The following KLHL1 variants were observed in gnomAD, a reference collection of about 807,000 sequenced individuals.
KLHL1 encodes the protein kelch-like protein 1.
A neutral mutation model predicts 77.7 loss-of-function variants in KLHL1; 47 were observed. The ratio of observed to expected loss-of-function variants is 0.60; its 90% CI spans 0.48 to 0.77. The LOEUF is 0.77. KLHL1 is among the 30% of genes least tolerant of loss of function. The pLI, the probability that KLHL1 is intolerant of heterozygous loss-of-function variation, is 0.00. For synonymous variants in KLHL1, 360 were observed against 325.2 expected (o/e 1.11, Z -1.15); for missense variants, 925 against 910.8 (o/e 1.02, Z -0.20).
intron 1 of KLHL1, among the ~76,000 whole-genome samples, chr13:69,997,887 C>G (rs1885197883): frequency 6.6e-6 from 1 of 150,816 alleles, no homozygotes. Flanking sequence ...CATATCTTGA[C>G]TGCTGAAAAT....
At chr13:69,758,136 C>T (rs1184268155) in intron 7 of KLHL1, among the ~76,000 whole-genome samples, 1 of 151,958 alleles carries the variant, frequency 6.6e-6, no homozygotes, top group Non-Finnish European at 1.5e-5. Context: ...CAATCCATCT[C>T]TTCTCTCTCC....
chr13:70,084,924 A>G (rs1045924036), intron 1 of KLHL1, among the ~76,000 whole-genome samples: 7 of 152,124 alleles, frequency 4.6e-5, no homozygotes, highest in Non-Finnish European at 7.4e-5. Context: ...TTTTGAAGCA[A>G]ATTCTTCAGG....
chr13:69,898,932 T>A (rs1435707268), intron 4 of KLHL1, among the ~76,000 whole-genome samples: 1 of 152,186 alleles, frequency 6.6e-6, no homozygotes, highest in Non-Finnish European at 1.5e-5. Context: ...TAGAGACATC[T>A]GACATGTCTG....
In KLHL1 at chr13:70,108,069, C is replaced by T. The variant is rs1319405471; in HGVS notation, c.-370G>A. ...TGCGCGAGGGAGGGAGGTCTGAGCG[C>T]TCCGAAGCTCCGGAGGCGGCTGCAG... is the stretch of plus-strand genomic sequence containing the variant. On this transcript the variant is annotated 5_prime_UTR_variant, in exon 1 of 11. Coordinates refer to ENST00000377844, the MANE Select transcript of KLHL1 (RefSeq NM_020866.3). 4 of 417,936 alleles carry T rather than the reference C, an allele frequency of 9.6e-6. No homozygotes were observed. The highest frequency in any genetic ancestry group is 1.7e-5 in the Non-Finnish European group (4 of 237,012). 25.9% of individuals were successfully genotyped at this position (417,936 alleles called of 1,614,324 possible). A position where few individuals can be genotyped will look rare whatever the true frequency, so the allele number is the denominator to read the frequency against.
In KLHL1 at chr13:69,773,566, T is replaced by C. The variant is rs565167616; in HGVS notation, c.1639+23172A>G. 1.6e-4 allele frequency among the ~76,000 whole-genome samples: 24 copies of C among 152,116 alleles called. No homozygotes were observed. The South Asian group carries it at 5.0e-3, about 32-fold the overall frequency. ...TTGCTAATCTAAATATATAATCTTT[T>C]ATTTATGATAATTAAATTTGAAGAG... On this transcript the variant is annotated intron_variant, in intron 7 of 10. Coordinates refer to ENST00000377844, the MANE Select transcript of KLHL1 (RefSeq NM_020866.3).
intron 8 of KLHL1, among the ~76,000 whole-genome samples, chr13:69,728,271 G>C (rs1873390301): frequency 6.6e-6 from 1 of 152,064 alleles, no homozygotes. Flanking sequence ...GCAAGTGATG[G>C]ACCTTGAGGC....
At chr13:69,712,258 TC>T (rs1203146283) in intron 9 of KLHL1, among the ~76,000 whole-genome samples, 1 of 61,360 alleles carries the variant, frequency 1.6e-5, no homozygotes. Context: ...CTTTCACACC[TC>T]ATTTTTTTTT....
In KLHL1 at chr13:69,707,543, C is replaced by T. The variant is rs1334651847; in HGVS notation, c.2187+82G>A. ...GGTTTAGGGTAATTAGACTAGATTA[C>T]TGTTTGTATACCCCTCCTCCACAGA... On this transcript the variant is annotated intron_variant, in intron 10 of 10. Transcript: ENST00000377844. The T allele has an allele frequency of 3.8e-6, 5 of 1,314,992 alleles. No individual in the cohort carries two copies. The South Asian group carries it at 8.2e-5, about 22-fold the overall frequency. 81.5% of individuals were successfully genotyped at this position (1,314,992 alleles called of 1,614,324 possible).
chr13:69,735,512 A>G (rs972335205), intron 8 of KLHL1, among the ~76,000 whole-genome samples: 8 of 149,738 alleles, frequency 5.3e-5, no homozygotes, highest in Non-Finnish European at 8.9e-5. Context: ...ATGGTTATAT[A>G]TAAATTATCT....
rs987598946 is a variant in KLHL1, at chr13:69,740,440, T to A, written c.1756A>T (p.Met586Leu). The change falls in exon 8 of 11, where the codon ATG becomes TTG. Residue 586 changes from methionine (M) to leucine (L), a missense_variant. Coordinates refer to ENST00000377844, the MANE Select transcript of KLHL1 (RefSeq NM_020866.3). ...CCAACTGTGCTCCGAGCAATTGACATACTGGCTACAAATGTCCATTGTTGA... is the reference window on the plus strand; with the variant it reads ...CCAACTGTGCTCCGAGCAATTGACAAACTGGCTACAAATGTCCATTGTTGA... ...QSQQWTFVAS[M>L]SIARSTVGVA... The A allele has an allele frequency of 2.5e-6, 4 of 1,611,396 alleles. No homozygotes were observed. In the African/African-American group the frequency reaches 5.3e-5, roughly 22 times the overall value.
Position 69,889,024 on chromosome 13 carries a change from G to A in KLHL1, c.1015-6529C>T, listed in dbSNP as rs146842461. Among the ~76,000 whole-genome samples, 1,005 of 151,340 alleles carry A rather than the reference G, an allele frequency of 6.6e-3. 12 individuals are homozygous for A. The highest frequency in any genetic ancestry group is 0.024 in the African/African-American group (969 of 41,186). On this transcript the variant is annotated intron_variant, in intron 4 of 10. Transcript: ENST00000377844. ...AGGTGAGCACCTTAAGAGTAAGGCT[G>A]CATATATGTTGCATAGGTCATATAT...
chr13:70,054,380 G>GT (rs1396051329), intron 1 of KLHL1, among the ~76,000 whole-genome samples: 1 of 151,896 alleles, frequency 6.6e-6, no homozygotes, highest in Non-Finnish European at 1.5e-5. Flanking sequence ...GTTTCTAGAG[G>GT]TTTTTTATGT....
At chr13:70,074,070 G>A (rs955671463) in intron 1 of KLHL1, among the ~76,000 whole-genome samples, 2 of 151,956 alleles carry the variant, frequency 1.3e-5, no homozygotes, top group Admixed American at 6.6e-5. Context: ...CAGGTGATCC[G>A]CCCACCTCGG....
chr13:69,707,934 G>T, intron 9 of KLHL1, 138 bp from the exon 10 acceptor site: 3 of 606,026 alleles, frequency 5.0e-6, no homozygotes, highest in Non-Finnish European at 8.3e-6. Context: ...CATTTGAGCA[G>T]GTATTCTAGA....
At chr13:70,093,497 A>G (rs965075719) in intron 1 of KLHL1, among the ~76,000 whole-genome samples, 14 of 152,190 alleles carry the variant, frequency 9.2e-5, no homozygotes, top group African/African-American at 2.2e-4. Flanking sequence ...GTAATTCCTA[A>G]GCACTTTAAA....
intron 6 of KLHL1, among the ~76,000 whole-genome samples, chr13:69,815,705 T>TA (rs1446731642): frequency 4.6e-5 from 7 of 151,928 alleles, no homozygotes; most frequent in African/African-American, 1.4e-4. Flanking sequence ...CCGTGGAATC[T>TA]AAAATTTTTT....
chr13:69,794,217 C>G (rs1019591773), intron 7 of KLHL1, among the ~76,000 whole-genome samples: 1 of 152,116 alleles, frequency 6.6e-6, no homozygotes, highest in Non-Finnish European at 1.5e-5. Context: ...CTAGAGATAA[C>G]AGCAAATAGG....
intron 3 of KLHL1, among the ~76,000 whole-genome samples, chr13:69,942,615 A>T (rs1883401878): frequency 6.6e-6 from 1 of 152,064 alleles, no homozygotes; most frequent in Middle Eastern, 3.2e-3. Flanking sequence ...ATAATTTGCA[A>T]AACCCACCCA....
intron 1 of KLHL1, among the ~76,000 whole-genome samples, chr13:70,100,570 C>T (rs150958412): frequency 1.5e-4 from 23 of 152,182 alleles, no homozygotes; most frequent in Middle Eastern, 3.4e-3. Flanking sequence ...CTTGACCTCA[C>T]GATCCACCAA....
Sources: allele counts gnomAD v4.1 joint callset (sites outside exome capture counted in the v4.1 genomes callset), GRCh38; gene constraint gnomAD v4.1.1; transcripts MANE v1.5; gene names NCBI Gene and HGNC (gene_info 2026-07-23, HGNC 2026-07-21).